SOX5: variants seen among roughly 807,000 people sequenced by gnomAD.
SOX5 encodes the protein transcription factor SOX-5.
A neutral mutation model predicts 92.0 loss-of-function variants in SOX5; 9 were observed. The ratio of observed to expected loss-of-function variants is 0.10; its 90% CI spans 0.06 to 0.17. The LOEUF is 0.17. SOX5 is among the 10% of genes least tolerant of loss of function. The pLI is 1.00. For missense variants in SOX5, 642 were observed against 944.5 expected (o/e 0.68, Z 4.20); for synonymous variants, 344 against 336.3 (o/e 1.02, Z -0.25).
chr12:24,418,712 T>C (rs1468054647), intron 1 of SOX5, among the ~76,000 whole-genome samples: 8 of 152,324 alleles, frequency 5.3e-5, no homozygotes, highest in African/African-American at 1.9e-4. Context: ...TTACCTTTAT[T>C]ATTAAACTGG....
chr12:23,873,119 T>C (rs547609155), intron 2 of SOX5, among the ~76,000 whole-genome samples: 80 of 152,178 alleles, frequency 5.3e-4, no homozygotes, highest in Non-Finnish European at 9.1e-4. Context: ...GCAAAAATAC[T>C]TTTTTTCACT....
intron 1 of SOX5, among the ~76,000 whole-genome samples, chr12:24,528,816 AT>A (rs1950935268): frequency 6.6e-6 from 1 of 152,242 alleles, no homozygotes; most frequent in Non-Finnish European, 1.5e-5. Context: ...CCATCAGCTA[AT>A]TTAAAGTCTT....
At chr12:24,385,011 A>G (rs1429112799) in intron 1 of SOX5, among the ~76,000 whole-genome samples, 1 of 151,430 alleles carries the variant, frequency 6.6e-6, no homozygotes, top group African/African-American at 2.4e-5. Context: ...AGTATTTAAG[A>G]TATTTTGAGA....
chr12:24,154,301 G>T (rs1053564139), intron 4 of SOX5, among the ~76,000 whole-genome samples: 18 of 152,052 alleles, frequency 1.2e-4, no homozygotes, highest in Non-Finnish European at 2.5e-4. Context: ...GTGGTCAAAG[G>T]TATAAGGCAT....
At chr12:23,638,899 A>C (rs1033751033) in intron 8 of SOX5, among the ~76,000 whole-genome samples, 5 of 152,094 alleles carry the variant, frequency 3.3e-5, no homozygotes, top group Admixed American at 1.3e-4. Context: ...AAAAAAAAAA[A>C]AACAACTTTT....
At chr12:24,299,610 A>C (rs935038104) in intron 2 of SOX5, among the ~76,000 whole-genome samples, 15 of 152,168 alleles carry the variant, frequency 9.9e-5, no homozygotes, top group Non-Finnish European at 1.6e-4. Flanking sequence ...ATAAATTCAA[A>C]ATAAACAAAC....
At chr12:23,958,328 T>A (rs1946508669) in intron 4 of SOX5, among the ~76,000 whole-genome samples, 1 of 152,074 alleles carries the variant, frequency 6.6e-6, no homozygotes, top group Non-Finnish European at 1.5e-5. Flanking sequence ...TAATGGTTTT[T>A]TTTCTGACCA....
chr12:23,590,021 T>G (rs972441534), intron 9 of SOX5, among the ~76,000 whole-genome samples: 1 of 151,948 alleles, frequency 6.6e-6, no homozygotes, highest in African/African-American at 2.4e-5. Flanking sequence ...TGACATACAA[T>G]GTAACAGCAA....
At chr12:24,370,274 A>G (rs1008270621) in intron 1 of SOX5, among the ~76,000 whole-genome samples, 2 of 151,950 alleles carry the variant, frequency 1.3e-5, no homozygotes, top group South Asian at 2.1e-4. Context: ...GGAGATGGAG[A>G]CCATCCTGGC....
intron 4 of SOX5, among the ~76,000 whole-genome samples, chr12:24,123,958 C>T (rs1282465488): frequency 2.6e-5 from 4 of 152,214 alleles, no homozygotes; most frequent in African/African-American, 7.2e-5. Context: ...ATGCAAGAGT[C>T]TCACCTTGTG....
chr12:23,869,057 G>A (rs768072564), intron 2 of SOX5, among the ~76,000 whole-genome samples: 1 of 152,056 alleles, frequency 6.6e-6, no homozygotes, highest in Non-Finnish European at 1.5e-5. Context: ...CTGCACTTCT[G>A]TATTTACATC....
At chr12:23,599,464 T>C (rs979480512) in intron 9 of SOX5, among the ~76,000 whole-genome samples, 2 of 152,234 alleles carry the variant, frequency 1.3e-5, no homozygotes, top group South Asian at 4.1e-4. Context: ...AACACAACTG[T>C]GACTTGGGGT....
intron 6 of SOX5, among the ~76,000 whole-genome samples, chr12:23,716,173 T>C (rs1317398022): frequency 6.6e-6 from 1 of 152,180 alleles, no homozygotes; most frequent in East Asian, 1.9e-4. Flanking sequence ...ACTTAATTAA[T>C]GTAAAGGTTT....
At chr12:23,747,658 G>A (rs185068289) in intron 4 of SOX5, among the ~76,000 whole-genome samples, 10 of 152,084 alleles carry the variant, frequency 6.6e-5, no homozygotes, top group East Asian at 1.9e-4. Context: ...CAACCTCAGC[G>A]CAGTTGACAT....
intron 1 of SOX5, 148 bp from the exon 2 acceptor site, chr12:23,896,172 A>G: frequency 1.6e-6 from 1 of 620,450 alleles, no homozygotes; most frequent in East Asian, 2.7e-5. Context: ...CAAAGCACAC[A>G]CAATCAGAAA....
At position 24,254,718 on chromosome 12, in the gene SOX5, A is replaced by AATATATATATATATATATATATATAT. The variant is rs10556060; in HGVS notation, c.-77+22497_-77+22498insATATATATATATATATATATATATAT. 7.2e-4 allele frequency among the ~76,000 whole-genome samples: 106 copies of AATATATATATATATATATATATATAT among 146,664 alleles called. 1 individual carries two copies. Among genetic ancestry groups the AATATATATATATATATATATATATAT allele is most frequent in the South Asian group, 5.0e-3 (23 of 4,560 alleles). On this transcript the variant is annotated intron_variant, in intron 3 of 4. Coordinates refer to the SOX5 transcript ENST00000446891. Reference sequence around the variant, plus strand: ...TATTCTTTTTTCTTTGGGCTGCTCAAATATATATATATATATATATTTCCT... The same window carrying AATATATATATATATATATATATATAT: ...TATTCTTTTTTCTTTGGGCTGCTCAAATATATATATATATATATATATATATATATATATATATATATATATTTCCT...
At chr12:24,320,429 C>T (rs1950097078) in intron 2 of SOX5, among the ~76,000 whole-genome samples, 1 of 152,138 alleles carries the variant, frequency 6.6e-6, no homozygotes, top group Non-Finnish European at 1.5e-5. Context: ...ACCAAATTTC[C>T]TCAATTCCTA....
intron 11 of SOX5, among the ~76,000 whole-genome samples, chr12:23,553,784 G>C (rs556270677): frequency 2.0e-5 from 3 of 152,166 alleles, no homozygotes; most frequent in Admixed American, 1.3e-4. Flanking sequence ...AAACACAAAA[G>C]TGGAATGTTG....
intron 3 of SOX5, among the ~76,000 whole-genome samples, chr12:23,811,530 T>G (rs1344571453): frequency 1.3e-5 from 2 of 152,068 alleles, no homozygotes; most frequent in Non-Finnish European, 2.9e-5. Flanking sequence ...AAATTTAAGG[T>G]TTTTATGTTT....
Sources: gnomAD v4.1 joint callset for allele counts (sites outside exome capture counted in the v4.1 genomes callset) on GRCh38, gnomAD v4.1.1 for gene constraint, MANE v1.5 for transcripts, NCBI Gene and HGNC (gene_info 2026-07-23, HGNC 2026-07-21) for gene names.